KLHL1: variants seen among roughly 807,000 people sequenced by gnomAD.
KLHL1 encodes the protein kelch like family member 1, also known as kelch-like protein 1.
KLHL1 carries 47 observed loss-of-function variants against 77.7 expected under a neutral mutation model. That is an observed-to-expected ratio of 0.60 (90% CI 0.48 to 0.77). The LOEUF (loss-of-function observed/expected upper bound fraction) is 0.77, where lower values mean the gene tolerates loss of function less well. Ranked by LOEUF, KLHL1 falls within the 30% of genes least tolerant of loss-of-function variation. The pLI is 0.00. For missense variants in KLHL1, 925 were observed against 910.8 expected (o/e 1.02, Z -0.20); for synonymous variants, 360 against 325.2 (o/e 1.11, Z -1.15).
chr13:69,763,471 AGTT>A (rs1875118992), intron 7 of KLHL1, among the ~76,000 whole-genome samples: 1 of 152,188 alleles, frequency 6.6e-6, no homozygotes, highest in East Asian at 1.9e-4. Flanking sequence ...TTCTCTCAAA[AGTT>A]GTTAATGTTT....
intron 6 of KLHL1, among the ~76,000 whole-genome samples, chr13:69,813,471 T>TACACACAC (rs1201559230): frequency 1.7e-5 from 2 of 119,198 alleles, no homozygotes; most frequent in African/African-American, 6.4e-5. Flanking sequence ...CACACATATA[T>TACACACAC]ACACACACAT....
intron 4 of KLHL1, among the ~76,000 whole-genome samples, chr13:69,932,565 T>C (rs893250093): frequency 2.6e-5 from 4 of 151,940 alleles, no homozygotes; most frequent in African/African-American, 9.7e-5. Flanking sequence ...AAATGTTTAG[T>C]ATTCCTTCTT....
chr13:69,789,800 C>T (rs1182645532), intron 7 of KLHL1, among the ~76,000 whole-genome samples: 5 of 152,130 alleles, frequency 3.3e-5, no homozygotes, highest in Admixed American at 6.5e-5. Flanking sequence ...GACTTTAAAT[C>T]TGGAGTGACC....
At chr13:70,040,813 AC>A (rs1475104673) in intron 1 of KLHL1, among the ~76,000 whole-genome samples, 1 of 151,982 alleles carries the variant, frequency 6.6e-6, no homozygotes, top group Non-Finnish European at 1.5e-5. Context: ...TTGTTGGAAA[AC>A]TTTTTAAGTC....
chr13:69,963,448 T>C (rs1291587776), intron 2 of KLHL1, among the ~76,000 whole-genome samples: 2 of 152,338 alleles, frequency 1.3e-5, no homozygotes, highest in East Asian at 3.9e-4. Context: ...ACCAGAATTT[T>C]GTTTTCCATA....
intron 4 of KLHL1, among the ~76,000 whole-genome samples, chr13:69,928,331 G>A (rs774758787): frequency 1.8e-4 from 27 of 152,132 alleles, no homozygotes; most frequent in Non-Finnish European, 2.8e-4. Flanking sequence ...TTAAACATCC[G>A]ATTCCCTAAC....
chr13:69,762,722 G>A (rs116107236), intron 7 of KLHL1, among the ~76,000 whole-genome samples: 1,680 of 149,626 alleles, frequency 0.011, 35 homozygotes, highest in African/African-American at 0.039. Context: ...AAGATCATAA[G>A]TTAAGATTTC....
chr13:69,814,579 C>T (rs1304047787), intron 6 of KLHL1, among the ~76,000 whole-genome samples: 3 of 152,012 alleles, frequency 2.0e-5, no homozygotes, highest in Admixed American at 6.6e-5. Flanking sequence ...GGGCAAAGGA[C>T]ATGAACAGAT....
At chr13:69,781,285 C>CTTTTTTT (rs869083780) in intron 7 of KLHL1, among the ~76,000 whole-genome samples, 31 of 119,698 alleles carry the variant, frequency 2.6e-4, no homozygotes, top group African/African-American at 7.1e-4. Flanking sequence ...TTTTTTCTTT[C>CTTTTTTT]TTTTTTTTTT....
Position 69,767,257 on chromosome 13 carries a change from A to G in KLHL1, c.1640-26701T>C, listed in dbSNP as rs567736001. Among the ~76,000 whole-genome samples the G allele has an allele frequency of 3.3e-5, 5 of 152,366 alleles. No homozygotes were observed. The South Asian group carries it at 1.0e-3, about 32-fold the overall frequency. ...TATTTTAACTGATGTAAAAATTCAA[A>G]AAAAATTAAAAACATGTACATAAAT... is the stretch of plus-strand genomic sequence containing the variant. On this transcript the variant is annotated intron_variant, in intron 7 of 10. Coordinates refer to ENST00000377844, the MANE Select transcript of KLHL1 (RefSeq NM_020866.3).
intron 3 of KLHL1, among the ~76,000 whole-genome samples, chr13:69,948,311 A>C (rs7338117): frequency 6.6e-6 from 1 of 151,924 alleles, no homozygotes; most frequent in Non-Finnish European, 1.5e-5. Flanking sequence ...TATCTCTTAC[A>C]TCAGTGAAGA....
chr13:69,914,374 A>T (rs942123251), intron 4 of KLHL1, among the ~76,000 whole-genome samples: 8 of 152,276 alleles, frequency 5.3e-5, no homozygotes, highest in Middle Eastern at 3.4e-3. Context: ...AGTGATTTCC[A>T]TGGATCCATT....
chr13:69,773,388 A>G (rs1001063898), intron 7 of KLHL1, among the ~76,000 whole-genome samples: 4 of 152,060 alleles, frequency 2.6e-5, no homozygotes, highest in African/African-American at 7.2e-5. Context: ...TCTCTCCTCT[A>G]TGTCCCAGTT....
intron 8 of KLHL1, among the ~76,000 whole-genome samples, chr13:69,724,347 A>C (rs575328447): frequency 1.1e-3 from 160 of 152,226 alleles, no homozygotes; most frequent in Non-Finnish European, 2.2e-3. Context: ...GTGTGTCCTT[A>C]ACCTTGGCAA....
Position 70,108,321 on chromosome 13 carries a change from A to T in KLHL1, c.-622T>A, listed in dbSNP as rs1441962378. 3.1e-6 allele frequency: 1 copy of T among 319,658 alleles called. No homozygotes were observed. Among genetic ancestry groups the T allele is most frequent in the East Asian group, 5.1e-5 (1 of 19,740 alleles). The allele number at this position is 319,658 out of a possible 1,614,324, so 19.8% of individuals were successfully genotyped here. On this transcript the variant is annotated 5_prime_UTR_variant, in exon 1 of 11. It adds an upstream start codon to the 5' untranslated region. Transcript: ENST00000377844. ...CTGCCGGGTGGCTCTGAGAAAGTCA[A>T]TTGCTTTCTGCAATGCCAGAAGAGG...
At chr13:69,971,033 C>G (rs1262130825) in intron 2 of KLHL1, among the ~76,000 whole-genome samples, 3 of 151,988 alleles carry the variant, frequency 2.0e-5, no homozygotes, top group Admixed American at 2.0e-4. Context: ...TTCAAAACTA[C>G]CTTTCTAAAT....
chr13:69,995,136 GTTTCT>G (rs1363077003), intron 1 of KLHL1, among the ~76,000 whole-genome samples: 3 of 151,958 alleles, frequency 2.0e-5, no homozygotes, highest in Non-Finnish European at 4.4e-5. Flanking sequence ...TTTATTTTTG[GTTTCT>G]TTTGACAACA....
At chr13:69,954,858 T>G (rs1883819477) in intron 3 of KLHL1, among the ~76,000 whole-genome samples, 1 of 151,112 alleles carries the variant, frequency 6.6e-6, no homozygotes, top group Admixed American at 6.6e-5. Flanking sequence ...CAAGGTTTCT[T>G]GCTAAAATGA....
chr13:70,059,113 A>T (rs926106339), intron 1 of KLHL1, among the ~76,000 whole-genome samples: 1 of 151,684 alleles, frequency 6.6e-6, no homozygotes, highest in Non-Finnish European at 1.5e-5. Context: ...ACAAGAAAAC[A>T]TTCGGGGAAA....
Sources: allele counts gnomAD v4.1 joint callset (sites outside exome capture counted in the v4.1 genomes callset), GRCh38; gene constraint gnomAD v4.1.1; transcripts MANE v1.5; gene names NCBI Gene and HGNC (gene_info 2026-07-23, HGNC 2026-07-21).